Variants in TRIM54 observed in about 807,000 individuals in gnomAD.
The protein encoded by TRIM54 is tripartite motif-containing protein 54.
In TRIM54, 40 loss-of-function variants were observed where a neutral mutation model predicts 42.0. The ratio of observed to expected loss-of-function variants is 0.95; its 90% confidence interval spans 0.74 to 1.24. TRIM54 has a LOEUF of 1.24. Ranked by LOEUF, TRIM54 falls within the 50% of genes most tolerant of loss-of-function variation. TRIM54 has a pLI of 0.00. For missense variants in TRIM54, 485 were observed against 480.3 expected (o/e 1.01, Z -0.09); for synonymous variants, 199 against 194.9 (o/e 1.02, Z -0.17).
At chr2:27,290,423 T>C (rs563928067) in intron 1 of TRIM54, among the ~76,000 whole-genome samples, 8 of 152,220 alleles carry the variant, frequency 5.3e-5, no homozygotes, top group African/African-American at 1.9e-4. Flanking sequence ...ATCCCAGCAC[T>C]ATGGGAGGGA....
intron 1 of TRIM54, among the ~76,000 whole-genome samples, chr2:27,288,971 A>C (rs539155585): frequency 2.6e-5 from 4 of 152,348 alleles, no homozygotes; most frequent in Admixed American, 6.5e-5. Context: ...CTTGAAATGG[A>C]AAGATAAACA....
chr2:27,303,248 A>G (rs543392073), intron 3 of TRIM54, among the ~76,000 whole-genome samples: 7 of 152,262 alleles, frequency 4.6e-5, no homozygotes, highest in Non-Finnish European at 1.0e-4. Context: ...AAGGAGGGGT[A>G]CCTGCAGCTA....
chr2:27,305,910 C>T (rs1263743473), intron 5 of TRIM54, 93 bp downstream of exon 5: 2 of 1,367,000 alleles, frequency 1.5e-6, no homozygotes, highest in Non-Finnish European at 2.0e-6. Context: ...TCTCTTGCAC[C>T]TGCTTGCCCC....
Position 27,306,072 on chromosome 2 carries a change from C to T in TRIM54, c.844-8C>T, listed in dbSNP as rs753791270. ...TGCTTACTCTCACCCTCCTTTTCTT[C>T]CCTGCAGCAGGCCAAGGAGCTGATC... On this transcript the variant is annotated splice_polypyrimidine_tract_variant and splice_region_variant and intron_variant, in intron 5 of 8. Transcript: ENST00000380075. This position sits in a 1 kb window ranked among gnomAD's most constrained non-coding sequence, Gnocchi z 6.1. 6.2e-7 allele frequency: 1 copy of T among 1,613,784 alleles called. No homozygotes were observed. The highest frequency in any genetic ancestry group is 8.5e-7 in the Non-Finnish European group (1 of 1,180,024).
At chr2:27,303,026 A>G (rs1289600466) in intron 3 of TRIM54, among the ~76,000 whole-genome samples, 1 of 152,220 alleles carries the variant, frequency 6.6e-6, no homozygotes, top group East Asian at 1.9e-4. Context: ...CTATCACACA[A>G]CTAGATTCTG....
rs185065520 is a variant in TRIM54, at chr2:27,298,622, G to A, written c.224G>A (p.Arg75His). The change falls in exon 2 of 9, where the codon CGT (arginine) becomes CAT (histidine). Residue 75 changes from arginine (R) to histidine (H), a missense_variant. Coordinates refer to ENST00000380075, the MANE Select transcript of TRIM54 (RefSeq NM_187841.3). ...TCCACCACTGTGTCTTCAGGAGGCCGTTTCCGCTGCCCATCGTGCAGGCAT... is the reference window on the plus strand; with the variant it reads ...TCCACCACTGTGTCTTCAGGAGGCCATTTCCGCTGCCCATCGTGCAGGCAT... ...RGSTTVSSGG[R>H]FRCPSCRHEV... 146 of 1,614,160 alleles carry A rather than the reference G, an allele frequency of 9.0e-5. No individual in the cohort carries two copies. The highest frequency in any genetic ancestry group is 1.1e-4 in the Non-Finnish European group (131 of 1,180,020).
In TRIM54 at chr2:27,282,580, A is replaced by G; in HGVS notation, c.-152A>G. 1.3e-6 allele frequency: 1 copy of G among 787,216 alleles called. No homozygotes were observed. Among genetic ancestry groups the G allele is most frequent in the Non-Finnish European group, 2.0e-6 (1 of 511,440 alleles). 48.8% of individuals were successfully genotyped at this position (787,216 alleles called of 1,614,324 possible). A position where few individuals can be genotyped will look rare whatever the true frequency, so the allele number is the denominator to read the frequency against. ...TGTCCGAAGACTGCTATCTGGGACGAGACAAGTTGTTAAAGGGACAGGAGA... is the reference window on the plus strand; with the variant it reads ...TGTCCGAAGACTGCTATCTGGGACGGGACAAGTTGTTAAAGGGACAGGAGA... On this transcript the variant is annotated 5_prime_UTR_variant, in exon 1 of 9. Coordinates refer to ENST00000380075, the MANE Select transcript of TRIM54 (RefSeq NM_187841.3).
rs189387480 is a variant in TRIM54 at position 27,292,538 on chromosome 2, A to T, written c.169-6029A>T. 1.5e-3 allele frequency among the ~76,000 whole-genome samples: 221 copies of T among 152,248 alleles called. 2 individuals carry two copies. In the East Asian group the frequency reaches 0.026, roughly 18 times the overall value. ...AGAGAGAGAGATCTTGTCTCAAAAA[A>T]TTTTTTTTAATTTTTGTAAAATGCA... On this transcript the variant is annotated intron_variant, in intron 1 of 8. Transcript: ENST00000380075.
intron 1 of TRIM54, among the ~76,000 whole-genome samples, chr2:27,293,691 C>T (rs1353078699): frequency 1.3e-5 from 2 of 152,084 alleles, no homozygotes; most frequent in African/African-American, 2.4e-5. Flanking sequence ...GAGGTTTGTT[C>T]CTTCATTACC....
chr2:27,302,996 A>G (rs1679077095), intron 3 of TRIM54, among the ~76,000 whole-genome samples: 1 of 152,186 alleles, frequency 6.6e-6, no homozygotes, highest in African/African-American at 2.4e-5. Flanking sequence ...ATGGTGGGTG[A>G]GATACTTGCA....
At chr2:27,289,096 G>A (rs1277005917) in intron 1 of TRIM54, among the ~76,000 whole-genome samples, 1 of 152,154 alleles carries the variant, frequency 6.6e-6, no homozygotes, top group East Asian at 1.9e-4. Flanking sequence ...GTATCCCTTA[G>A]AGTATAAAAT....
rs1179300278 is a variant in TRIM54, at chr2:27,299,385, C to T, written c.482C>T (p.Ala161Val). 1.9e-6 allele frequency: 3 copies of T among 1,614,048 alleles called. No individual in the cohort carries two copies. The highest frequency in any genetic ancestry group is 2.2e-5 in the South Asian group (2 of 91,048). The stretch of plus-strand genomic sequence containing the variant: ...GGTGCCCACAAGGACTGTGAGGTGG[C>T]CCCACTGCCCACCATTTACAAACGC... Reference protein sequence around the residue: ...VFGAHKDCEVAPLPTIYKRQK... With the variant: ...VFGAHKDCEVVPLPTIYKRQK... Residue 161 changes from alanine (A) to valine (V), a missense_variant, in exon 3 of 9, where the codon GCC (alanine) becomes GTC (valine). Transcript: ENST00000380075.
intron 2 of TRIM54, 128 bp from the exon 3 acceptor site, chr2:27,299,113 TACTC>T: frequency 1.0e-6 from 1 of 989,304 alleles, no homozygotes; most frequent in Admixed American, 2.3e-5. Context: ...TCTGTGGAAG[TACTC>T]ACCAGTTCAG....
rs1451294775 is a variant in TRIM54, at chr2:27,306,767, G to C, written c.*2-120G>C. On this transcript the variant is annotated intron_variant, in intron 8 of 8. Transcript: ENST00000380075. The surrounding 1 kb of genome is among the most constrained non-coding windows in gnomAD (Gnocchi z 6.1). ...CGCTGTTCCTCTGGGGTGCTGGGAG[G>C]GCAGGCAAGGCAGGCTGAGTAGAGG... The C allele has an allele frequency of 3.4e-6, 2 of 587,536 alleles. No individual in the cohort carries two copies. The highest frequency in any genetic ancestry group is 3.0e-6 in the Non-Finnish European group (1 of 334,094). The allele number at this position is 587,536 out of a possible 1,614,324, so 36.4% of individuals were successfully genotyped here.
rs1678937534 is a variant in TRIM54, at chr2:27,298,666, C to T, written c.268C>T (p.His90Tyr). 2 of 1,614,086 alleles carry T rather than the reference C, an allele frequency of 1.2e-6. No homozygotes were observed. The highest frequency in any genetic ancestry group is 1.3e-5 in the African/African-American group (1 of 74,934). ...SCRHEVVLDRHGVYGLQRNLL... is the reference protein window; with the variant it reads ...SCRHEVVLDRYGVYGLQRNLL... ...CAGGCATGAGGTTGTCCTGGACAGACACGGTGTCTACGGCCTGCAGCGAAA... is the reference window on the plus strand; with the variant it reads ...CAGGCATGAGGTTGTCCTGGACAGATACGGTGTCTACGGCCTGCAGCGAAA... Residue 90 changes from histidine (H) to tyrosine (Y), a missense_variant, in exon 2 of 9, where the codon CAC becomes TAC. By Grantham distance (83) the His-to-Tyr change is moderately conservative. Transcript: ENST00000380075.
At chr2:27,292,670 A>T (rs1445091239) in intron 1 of TRIM54, among the ~76,000 whole-genome samples, 1 of 152,066 alleles carries the variant, frequency 6.6e-6, no homozygotes, top group Non-Finnish European at 1.5e-5. Flanking sequence ...CCAGAACTTT[A>T]TCACCACCCC....
chr2:27,285,651 A>G (rs974380893), intron 1 of TRIM54, among the ~76,000 whole-genome samples: 4 of 152,326 alleles, frequency 2.6e-5, no homozygotes, highest in South Asian at 2.1e-4. Context: ...GGCGAGACCC[A>G]TCGCCCCCCA....
chr2:27,302,915 G>A (rs13407621), intron 3 of TRIM54, among the ~76,000 whole-genome samples: 1 of 152,186 alleles, frequency 6.6e-6, no homozygotes, highest in African/African-American at 2.4e-5. Flanking sequence ...TAAAATTAGG[G>A]TGAAAATGCC....
At chr2:27,301,769 C>G (rs1679043205) in intron 3 of TRIM54, among the ~76,000 whole-genome samples, 1 of 152,110 alleles carries the variant, frequency 6.6e-6, no homozygotes. Flanking sequence ...TAGGTCTCAG[C>G]CTCATTTTAC....
Sources: allele counts gnomAD v4.1 joint callset (sites outside exome capture counted in the v4.1 genomes callset), GRCh38; gene constraint gnomAD v4.1.1; non-coding constraint Gnocchi (gnomAD v3.1); transcripts MANE v1.5; gene names NCBI Gene and HGNC (gene_info 2026-07-23, HGNC 2026-07-21).